The following FBXL20 variants were observed in gnomAD, a reference collection of about 807,000 sequenced individuals.
The protein encoded by FBXL20 is F-box/LRR-repeat protein 20.
FBXL20 carries 11 observed loss-of-function variants against 64.0 expected under a neutral mutation model. The ratio of observed to expected loss-of-function variants is 0.17; its 90% CI spans 0.11 to 0.28. The LOEUF (loss-of-function observed/expected upper bound fraction) is 0.28, where lower values mean the gene tolerates loss of function less well. Among genes scored for constraint, FBXL20 ranks in the 10% least tolerant of loss-of-function variants. The probability of loss-of-function intolerance (pLI) is 1.00; values close to 1 mark genes in which losing one functional copy is unlikely to be tolerated. For synonymous variants in FBXL20, 184 were observed against 189.0 expected, an observed-to-expected ratio of 0.97 and a Z score of 0.22; for missense variants, 303 against 526.2, an observed-to-expected ratio of 0.58 and a Z score of 4.15.
intron 14 of FBXL20, chr17:39,263,932 C>A: frequency 2.7e-6 from 1 of 365,968 alleles, no homozygotes; most frequent in Non-Finnish European, 5.1e-6. Context: ...CATTATTAGA[C>A]AGACTCTGCT....
rs2046756867 is a variant in FBXL20, at chr17:39,262,624, T to C, written c.1204-1057A>G. Among the ~76,000 whole-genome samples, 2 of 151,976 alleles carry C rather than the reference T, an allele frequency of 1.3e-5. 1 individual carries two copies. Among genetic ancestry groups the C allele is most frequent in the South Asian group, 4.2e-4 (2 of 4,798 alleles). Reference sequence around the variant, plus strand: ...GCCTGAATAAGCACACTGCCTTTCCTACAGCAGGTGTGAAGCAGATGTTCC... The same window carrying C: ...GCCTGAATAAGCACACTGCCTTTCCCACAGCAGGTGTGAAGCAGATGTTCC... On this transcript the variant is annotated intron_variant, in intron 14 of 14. Transcript: ENST00000264658.
chr17:39,313,831 C>T (rs1016782688), intron 2 of FBXL20, among the ~76,000 whole-genome samples: 1 of 152,136 alleles, frequency 6.6e-6, no homozygotes, highest in Admixed American at 6.6e-5. Flanking sequence ...GATGCGGTTT[C>T]TCCATGTTGG....
intron 2 of FBXL20, among the ~76,000 whole-genome samples, chr17:39,336,123 G>C (rs917141653): frequency 4.6e-5 from 7 of 152,046 alleles, no homozygotes; most frequent in Non-Finnish European, 1.0e-4. Flanking sequence ...AGAGGGGGGA[G>C]GGGAGGGGAA....
At chr17:39,305,189 A>T (rs191768735) in intron 2 of FBXL20, among the ~76,000 whole-genome samples, 45 of 152,360 alleles carry the variant, frequency 3.0e-4, no homozygotes, top group Admixed American at 9.8e-4. Flanking sequence ...AATATAAATT[A>T]AAAAAAGTTA....
chr17:39,376,277 A>G (rs2144645581), intron 1 of FBXL20, among the ~76,000 whole-genome samples: 1 of 152,270 alleles, frequency 6.6e-6, no homozygotes, highest in South Asian at 2.1e-4. Flanking sequence ...ATTGTCTCAG[A>G]ACTGGCCTAC....
At chr17:39,288,772 G>A (rs1396147265) in intron 6 of FBXL20, among the ~76,000 whole-genome samples, 2 of 151,470 alleles carry the variant, frequency 1.3e-5, no homozygotes, top group South Asian at 2.1e-4. Flanking sequence ...GCAGTGGCGC[G>A]ATCTCGGATC....
intron 2 of FBXL20, among the ~76,000 whole-genome samples, chr17:39,307,245 A>AT (rs2047191530): frequency 6.6e-6 from 1 of 152,182 alleles, no homozygotes; most frequent in Non-Finnish European, 1.5e-5. Context: ...CTGGAGGTAG[A>AT]TAAAAAATAA....
intron 1 of FBXL20, among the ~76,000 whole-genome samples, chr17:39,367,518 T>C (rs2047872917): frequency 6.6e-6 from 1 of 151,600 alleles, no homozygotes; most frequent in Non-Finnish European, 1.5e-5. Context: ...GGTTTCACCA[T>C]GTTGGCCAGG....
At chr17:39,262,316 T>C (rs1332450411) in intron 14 of FBXL20, among the ~76,000 whole-genome samples, 2 of 152,156 alleles carry the variant, frequency 1.3e-5, no homozygotes, top group African/African-American at 2.4e-5. Context: ...GAGTTTCATC[T>C]TGTTGCCCAG....
chr17:39,396,511 G>A (rs989383106), intron 1 of FBXL20, among the ~76,000 whole-genome samples: 2 of 150,766 alleles, frequency 1.3e-5, no homozygotes, highest in Non-Finnish European at 2.9e-5. Context: ...CAGGAGAATC[G>A]CTTGAACCCA....
intron 1 of FBXL20, among the ~76,000 whole-genome samples, chr17:39,355,011 A>T (rs2047722083): frequency 6.6e-6 from 1 of 152,164 alleles, no homozygotes; most frequent in Non-Finnish European, 1.5e-5. Flanking sequence ...AGCTCACTAG[A>T]ACCTCTGCCT....
At chr17:39,399,438 T>C (rs1301321861) in intron 1 of FBXL20, among the ~76,000 whole-genome samples, 4 of 152,234 alleles carry the variant, frequency 2.6e-5, no homozygotes. Flanking sequence ...CCTTGTAAAT[T>C]AGGTCAATAA....
Position 39,353,555 on chromosome 17 carries a change from G to T in FBXL20, c.43-10314C>A, listed in dbSNP as rs540345297. Among the ~76,000 whole-genome samples the T allele has an allele frequency of 3.3e-5, 5 of 151,986 alleles. No homozygotes were observed. The South Asian group carries it at 1.0e-3, about 32-fold the overall frequency. On this transcript the variant is annotated intron_variant, in intron 1 of 14. Coordinates refer to ENST00000264658, the MANE Select transcript of FBXL20 (RefSeq NM_032875.3). ...ATATGCAATTTTAGGCTTCCACCAG[G>T]GGTCTTGGAACATATTCCCCATGGA...
At chr17:39,344,884 CATCA>C (rs2047618008) in intron 1 of FBXL20, among the ~76,000 whole-genome samples, 1 of 152,166 alleles carries the variant, frequency 6.6e-6, no homozygotes, top group African/African-American at 2.4e-5. Flanking sequence ...ACCATAGTGG[CATCA>C]AGTGCATCAC....
intron 1 of FBXL20, among the ~76,000 whole-genome samples, chr17:39,356,214 CAAA>C (rs56838813): frequency 1.2e-3 from 94 of 75,824 alleles, no homozygotes; most frequent in African/African-American, 2.2e-3. Flanking sequence ...GACTCCATCT[CAAA>C]AAAAAAAAAA....
intron 9 of FBXL20, among the ~76,000 whole-genome samples, chr17:39,277,455 C>CA (rs1362363862): frequency 6.6e-6 from 1 of 152,044 alleles, no homozygotes; most frequent in Non-Finnish European, 1.5e-5. Flanking sequence ...GTCATACTGT[C>CA]AGTACTTTAA....
rs547055968 is a variant in FBXL20, at chr17:39,298,995, T to C, written c.324A>G (p.Ala108=). Residue 108 remains alanine, a synonymous_variant, in exon 5 of 15, where the codon GCA becomes GCG. Transcript: ENST00000264658. ...LRGCLGVGDN[A]LRTFAQNCRN... Reference sequence around the variant, plus strand: ...ATCAATAGTTATGTTTTTACCTTAATGCATTGTCTCCCACTCCAAGACATC... The same window carrying C: ...ATCAATAGTTATGTTTTTACCTTAACGCATTGTCTCCCACTCCAAGACATC... The C allele has an allele frequency of 6.2e-7, 1 of 1,611,940 alleles. No individual in the cohort carries two copies. The highest frequency in any genetic ancestry group is 8.5e-7 in the Non-Finnish European group (1 of 1,178,484).
rs1369792159 is a variant in FBXL20, at chr17:39,253,997, T to C, written c.*7463A>G. ...AAGGTTCAGGCTAAGGTAAGAAACA[T>C]ATATGTGTGAGCAGCAATGAGGTAC... On this transcript the variant is annotated 3_prime_UTR_variant, in exon 15 of 15. Transcript: ENST00000264658. 1.3e-5 allele frequency: 2 copies of C among 152,182 alleles called. No individual in the cohort carries two copies. Among genetic ancestry groups the C allele is most frequent in the African/African-American group, 2.4e-5 (1 of 41,428 alleles). The allele number at this position is 152,182 out of a possible 1,614,324, so 9.4% of individuals were successfully genotyped here.
chr17:39,375,301 G>C (rs1357859500), intron 1 of FBXL20, among the ~76,000 whole-genome samples: 1 of 152,030 alleles, frequency 6.6e-6, no homozygotes, highest in East Asian at 1.9e-4. Flanking sequence ...AGGTACTGGA[G>C]CTCTTCAGAA....
Sources: gnomAD v4.1 joint callset for allele counts (sites outside exome capture counted in the v4.1 genomes callset) on GRCh38, gnomAD v4.1.1 for gene constraint, MANE v1.5 for transcripts, NCBI Gene and HGNC (gene_info 2026-07-23, HGNC 2026-07-21) for gene names.